RBFOX1: variants seen among roughly 807,000 people sequenced by gnomAD.
RBFOX1 encodes RNA binding fox-1 homolog 1, also known as RNA binding protein fox-1 homolog 1.
Under a neutral mutation model 57.7 loss-of-function variants are expected in RBFOX1, and 8 were observed. That is an observed-to-expected ratio of 0.14 (90% CI 0.08 to 0.25). RBFOX1 has a LOEUF of 0.25. RBFOX1 is among the 10% of genes least tolerant of loss of function. The pLI, the probability that RBFOX1 is intolerant of heterozygous loss-of-function variation, is 1.00. For synonymous variants in RBFOX1, 326 were observed against 222.4 expected (o/e 1.47, Z -4.15); for missense variants, 611 against 548.5 (o/e 1.11, Z -1.14).
intron 4 of RBFOX1, among the ~76,000 whole-genome samples, chr16:7,149,153 C>A (rs1392852637): frequency 6.6e-6 from 1 of 152,142 alleles, no homozygotes; most frequent in East Asian, 1.9e-4. Context: ...TATTGGAAAT[C>A]ATTTCCTACT....
intron 3 of RBFOX1, among the ~76,000 whole-genome samples, chr16:6,805,140 C>CT (rs2086437331): frequency 6.6e-6 from 1 of 152,092 alleles, no homozygotes; most frequent in East Asian, 1.9e-4. Context: ...TGGAATCAAC[C>CT]TAAAGGCCCA....
At chr16:6,189,699 G>C (rs2097129965) in intron 1 of RBFOX1, among the ~76,000 whole-genome samples, 2 of 152,174 alleles carry the variant, frequency 1.3e-5, no homozygotes, top group South Asian at 4.1e-4. Context: ...TCCAGTTGTG[G>C]TTGAGGTTAG....
intron 2 of RBFOX1, among the ~76,000 whole-genome samples, chr16:5,503,733 C>T (rs919379403): frequency 6.6e-6 from 1 of 152,178 alleles, no homozygotes; most frequent in Non-Finnish European, 1.5e-5. Context: ...CATGAGCCAC[C>T]ATACCTGGCC....
intron 4 of RBFOX1, among the ~76,000 whole-genome samples, chr16:7,161,088 G>T (rs2078230767): frequency 6.6e-6 from 1 of 151,596 alleles, no homozygotes; most frequent in African/African-American, 2.4e-5. Flanking sequence ...CATCATATTT[G>T]CAGAGTGTAT....
chr16:7,500,047 C>T (rs1178558323), intron 4 of RBFOX1, among the ~76,000 whole-genome samples: 1 of 152,104 alleles, frequency 6.6e-6, no homozygotes, highest in Non-Finnish European at 1.5e-5. Flanking sequence ...CCAGGCCCTG[C>T]TGTACTCTAA....
intron 3 of RBFOX1, among the ~76,000 whole-genome samples, chr16:6,808,706 C>G (rs1009068338): frequency 1.3e-5 from 2 of 152,098 alleles, no homozygotes; most frequent in Admixed American, 1.3e-4. Context: ...TTCCTCCAAC[C>G]TCTGCCCCCA....
intron 1 of RBFOX1, among the ~76,000 whole-genome samples, chr16:5,398,600 A>T (rs1288951077): frequency 1.3e-5 from 2 of 151,808 alleles, no homozygotes; most frequent in East Asian, 3.9e-4. Context: ...TGGGAAGGGC[A>T]AGGAAATAGA....
chr16:7,481,624 T>A (rs2063958916), intron 4 of RBFOX1, among the ~76,000 whole-genome samples: 1 of 152,236 alleles, frequency 6.6e-6, no homozygotes, highest in Non-Finnish European at 1.5e-5. Context: ...AATAACAATA[T>A]CTTCTATTGA....
intron 1 of RBFOX1, among the ~76,000 whole-genome samples, chr16:6,133,573 G>C (rs150020735): frequency 5.6e-4 from 86 of 152,278 alleles, no homozygotes; most frequent in African/African-American, 2.0e-3. Flanking sequence ...TTTCACTGAA[G>C]TCAGGGAAGA....
At chr16:6,412,180 T>C (rs2093480568) in intron 2 of RBFOX1, among the ~76,000 whole-genome samples, 1 of 151,488 alleles carries the variant, frequency 6.6e-6, no homozygotes, top group African/African-American at 2.4e-5. Context: ...ACATGGCCCT[T>C]TCACAGTAGT....
intron 4 of RBFOX1, among the ~76,000 whole-genome samples, chr16:7,239,075 C>G (rs563968973): frequency 6.6e-6 from 1 of 152,140 alleles, no homozygotes; most frequent in South Asian, 2.1e-4. Context: ...CACATCCTTG[C>G]TATTGTGAAT....
At chr16:7,598,268 A>G (rs1043800823) in intron 9 of RBFOX1, among the ~76,000 whole-genome samples, 3 of 152,192 alleles carry the variant, frequency 2.0e-5, no homozygotes, top group African/African-American at 4.8e-5. Flanking sequence ...GATAAGGATC[A>G]TAAAGGGTCT....
chr16:7,151,840 C>T lies in RBFOX1; in HGVS notation c.27+99742C>T, dbSNP rs563944317. ...ACATGCAACCTAGCTCCTTCGCATG[C>T]ACAGTTCACAAGAGGATTTCTGCTC... On this transcript the variant is annotated intron_variant, in intron 4 of 15. Coordinates refer to ENST00000550418, the MANE Select transcript of RBFOX1 (RefSeq NM_018723.4). Among the ~76,000 whole-genome samples, 11 of 152,214 alleles carry T rather than the reference C, an allele frequency of 7.2e-5. No individual in the cohort carries two copies. In the South Asian group the frequency reaches 1.2e-3, roughly 17 times the overall value.
Position 5,571,321 on chromosome 16 carries a change from A to G in RBFOX1, c.259-27581A>G, listed in dbSNP as rs2046275623. 1.4e-5 allele frequency among the ~76,000 whole-genome samples: 2 copies of G among 147,970 alleles called. 1 individual carries two copies. The highest frequency in any genetic ancestry group is 4.2e-4 in the South Asian group (2 of 4,748). On this transcript the variant is annotated intron_variant, in intron 2 of 2. Coordinates refer to the RBFOX1 transcript ENST00000585867. ...CTGCAGCCTCCACTTCCTGGGTTCA[A>G]GTGATTTTACTGCCTCAGCCTCCCA...
chr16:7,133,790 A>G (rs887160312), intron 4 of RBFOX1, among the ~76,000 whole-genome samples: 3 of 152,252 alleles, frequency 2.0e-5, no homozygotes, highest in Non-Finnish European at 4.4e-5. Context: ...TGAAAAAAAA[A>G]GAATGACTGA....
intron 2 of RBFOX1, among the ~76,000 whole-genome samples, chr16:6,406,509 T>C (rs1027350087): frequency 6.6e-6 from 1 of 152,200 alleles, no homozygotes; most frequent in African/African-American, 2.4e-5. Context: ...ATAATACCTT[T>C]AGGGTTATTT....
In RBFOX1 at chr16:5,930,202, A is replaced by AATGGATGG. The variant is rs56153541; in HGVS notation, c.351+62903_351+62910dup. On this transcript the variant is annotated intron_variant, in intron 4 of 19. Transcript: ENST00000641259. ...CACCAAATAGCTTAAAAGAAAGAAG[A>AATGGATGG]ATGGATGGATGGATGGATGGATGGA... 9.2e-3 allele frequency among the ~76,000 whole-genome samples: 1,032 copies of AATGGATGG among 112,134 alleles called. 5 individuals are homozygous for AATGGATGG. The highest frequency in any genetic ancestry group is 0.012 in the African/African-American group (333 of 28,310). 73.6% of individuals were successfully genotyped at this position (112,134 alleles called of 152,430 possible). A position where few individuals can be genotyped will look rare whatever the true frequency, so the allele number is the denominator to read the frequency against.
intron 2 of RBFOX1, among the ~76,000 whole-genome samples, chr16:6,519,984 A>T (rs80155625): frequency 2.0e-5 from 3 of 152,160 alleles, no homozygotes; most frequent in African/African-American, 7.2e-5. Context: ...TTAAACTATC[A>T]GTCTGTCTTC....
rs145702893 is a variant in RBFOX1 at position 5,996,958 on chromosome 16, A to G, written c.351+129623A>G. Reference sequence around the variant, plus strand: ...AATAGTTCGTCCAAACTGACGAGCAAGCACCTCCATCTCTGCTGGTGCTCT... The same window carrying G: ...AATAGTTCGTCCAAACTGACGAGCAGGCACCTCCATCTCTGCTGGTGCTCT... On this transcript the variant is annotated intron_variant, in intron 4 of 19. Transcript: ENST00000641259. Among the ~76,000 whole-genome samples the G allele has an allele frequency of 2.0e-5, 3 of 152,288 alleles. No individual in the cohort carries two copies. In the East Asian group the frequency reaches 5.8e-4, roughly 29 times the overall value.
Sources: allele counts gnomAD v4.1 joint callset (sites outside exome capture counted in the v4.1 genomes callset), GRCh38; gene constraint gnomAD v4.1.1; transcripts MANE v1.5; gene names NCBI Gene and HGNC (gene_info 2026-07-23, HGNC 2026-07-21).